The following AK8 variants were observed in gnomAD, a reference collection of about 807,000 sequenced individuals.
AK8 encodes ATP-AMP transphosphorylase 8.
A neutral mutation model predicts 54.6 loss-of-function variants in AK8; 44 were observed. The observed-to-expected ratio is 0.81, with a 90% CI of 0.63 to 1.04. The LOEUF (loss-of-function observed/expected upper bound fraction) is 1.04, where lower values mean the gene tolerates loss of function less well. Ranked by LOEUF, AK8 falls within the 50% of genes least tolerant of loss-of-function variation. The pLI, the probability that AK8 is intolerant of heterozygous loss-of-function variation, is 0.00. For missense variants in AK8, 555 were observed against 613.6 expected (o/e 0.90, Z 1.01); for synonymous variants, 239 against 245.6 (o/e 0.97, Z 0.25).
At chr9:132,849,098 C>A (rs942931335) in intron 5 of AK8, among the ~76,000 whole-genome samples, 2 of 151,786 alleles carry the variant, frequency 1.3e-5, no homozygotes, top group Non-Finnish European at 2.9e-5. Flanking sequence ...TTAGTAGAGA[C>A]GAGGTTTCAC....
At chr9:132,778,709 T>C (rs773084382) in intron 11 of AK8, among the ~76,000 whole-genome samples, 2 of 152,202 alleles carry the variant, frequency 1.3e-5, no homozygotes, top group Non-Finnish European at 2.9e-5. Flanking sequence ...ATAAACTATA[T>C]GCCAATCTGG....
chr9:132,839,629 T>C (rs988902069), intron 5 of AK8, among the ~76,000 whole-genome samples: 1 of 152,084 alleles, frequency 6.6e-6, no homozygotes, highest in African/African-American at 2.4e-5. Context: ...CTTTTGTTAG[T>C]CACAGTGTCG....
At chr9:132,828,173 T>G (rs1841956115) in intron 6 of AK8, 89 bp from the exon 7 acceptor site, 1 of 1,225,294 alleles carries the variant, frequency 8.2e-7, no homozygotes, top group Non-Finnish European at 1.1e-6. Flanking sequence ...TTGCTTTACG[T>G]TTTTTGCTTT....
At chr9:132,814,453 G>A (rs976599682) in intron 10 of AK8, among the ~76,000 whole-genome samples, 185 bp downstream of exon 10, 4 of 152,034 alleles carry the variant, frequency 2.6e-5, no homozygotes, top group African/African-American at 4.8e-5. Context: ...ACTGGGGATC[G>A]GGCTCAGACA....
intron 5 of AK8, among the ~76,000 whole-genome samples, chr9:132,848,125 AAAAAAAAAAAAAAAAAAAG>A (rs1460886226): frequency 9.1e-6 from 1 of 109,578 alleles, no homozygotes; most frequent in South Asian, 2.9e-4. Context: ...CAAAAAAAAA[AAAAAAAAAAAAAAAAAAAG>A]ATTGAAGAGA....
chr9:132,743,419 A>G (rs1837488187), intron 11 of AK8, among the ~76,000 whole-genome samples: 1 of 152,238 alleles, frequency 6.6e-6, no homozygotes, highest in Non-Finnish European at 1.5e-5. Context: ...GTCAGTCTCC[A>G]TCAGTGACAA....
rs1037530109 is a variant in AK8 at position 132,874,986 on chromosome 9, G to C, written c.169+129C>G. On this transcript the variant is annotated intron_variant, in intron 2 of 12. Coordinates refer to ENST00000298545, the MANE Select transcript of AK8 (RefSeq NM_152572.3). ...CACAGGTAGGACAGAATGGTGCTCA[G>C]CTATTCTCGGGATGGGGCAGGGTTC... is the stretch of plus-strand genomic sequence containing the variant. 10 of 1,189,502 alleles carry C rather than the reference G, an allele frequency of 8.4e-6. No individual in the cohort carries two copies. The African/African-American group carries it at 1.5e-4, about 18-fold the overall frequency. 73.7% of individuals were successfully genotyped at this position (1,189,502 alleles called of 1,614,324 possible).
intron 10 of AK8, among the ~76,000 whole-genome samples, chr9:132,805,104 C>T (rs1461317511): frequency 3.3e-5 from 5 of 152,214 alleles, no homozygotes; most frequent in Admixed American, 2.6e-4. Flanking sequence ...GGCCCGGGGC[C>T]TCCAGGGTCA....
chr9:132,834,869 C>CTT (rs11323499), intron 5 of AK8, among the ~76,000 whole-genome samples: 1 of 140,776 alleles, frequency 7.1e-6, no homozygotes. Flanking sequence ...CAAGAGGTGC[C>CTT]TTTTTTTTTT....
chr9:132,750,784 T>G (rs1450029857), intron 11 of AK8, among the ~76,000 whole-genome samples: 1 of 151,870 alleles, frequency 6.6e-6, no homozygotes, highest in Non-Finnish European at 1.5e-5. Flanking sequence ...CATCCAGAGA[T>G]ACCAATGGAA....
intron 5 of AK8, among the ~76,000 whole-genome samples, chr9:132,851,412 C>G (rs1842966774): frequency 6.6e-6 from 1 of 152,230 alleles, no homozygotes; most frequent in Non-Finnish European, 1.5e-5. Flanking sequence ...AGTGGCAGAG[C>G]AGGATAAATA....
chr9:132,729,773 GACA>G (rs1427507549), intron 11 of AK8, among the ~76,000 whole-genome samples: 4 of 151,982 alleles, frequency 2.6e-5, no homozygotes, highest in Non-Finnish European at 5.9e-5. Flanking sequence ...CAACATCAAC[GACA>G]ACAACAAGAA....
At chr9:132,769,538 A>G (rs1224463782) in intron 11 of AK8, 2 of 152,248 alleles carry the variant, frequency 1.3e-5, no homozygotes, top group African/African-American at 2.4e-5. Flanking sequence ...GGAGTGAAAG[A>G]GCAAATGTCC....
rs535832288 is a variant in AK8, at chr9:132,811,684, C to T, written c.979+2954G>A. 1.1e-4 allele frequency among the ~76,000 whole-genome samples: 17 copies of T among 152,312 alleles called. No homozygotes were observed. The East Asian group carries it at 1.3e-3, about 12-fold the overall frequency. ...CAAAGACAGGCAGGGAATGAGCATTCGCACACTGATGGTGGGAGCGTATGG... is the reference window on the plus strand; with the variant it reads ...CAAAGACAGGCAGGGAATGAGCATTTGCACACTGATGGTGGGAGCGTATGG... On this transcript the variant is annotated intron_variant, in intron 10 of 12. Transcript: ENST00000298545.
At position 132,800,921 on chromosome 9, in the gene AK8, T is replaced by C. The variant is rs940756480; in HGVS notation, c.980-8146A>G. ...AACAGTGAATATTTCAGTTTGTCCT[T>C]TTTTTTTTTTTTTTTTTTGAGACGG... On this transcript the variant is annotated intron_variant, in intron 10 of 12. Coordinates refer to ENST00000298545, the MANE Select transcript of AK8 (RefSeq NM_152572.3). Among the ~76,000 whole-genome samples the C allele has an allele frequency of 2.9e-3, 420 of 145,620 alleles. 6 individuals carry two copies. The highest frequency in any genetic ancestry group is 0.016 in the East Asian group (81 of 5,030).
At chr9:132,858,307 G>A (rs1843257522) in intron 4 of AK8, among the ~76,000 whole-genome samples, 1 of 152,248 alleles carries the variant, frequency 6.6e-6, no homozygotes, top group African/African-American at 2.4e-5. Flanking sequence ...CTGTTTTGCT[G>A]TTCTGAGGCA....
intron 5 of AK8, among the ~76,000 whole-genome samples, chr9:132,832,306 T>G (rs1177728971): frequency 2.0e-5 from 3 of 152,136 alleles, no homozygotes; most frequent in African/African-American, 4.8e-5. Flanking sequence ...AAAACAATTT[T>G]TAACAGTCTT....
chr9:132,815,101 C>G (rs775681600), intron 9 of AK8, among the ~76,000 whole-genome samples: 1 of 152,164 alleles, frequency 6.6e-6, no homozygotes, highest in Non-Finnish European at 1.5e-5. Flanking sequence ...GCGTTCTGGC[C>G]GGGGGCTGCT....
chr9:132,761,551 T>G (rs1160691360), intron 11 of AK8, among the ~76,000 whole-genome samples: 1 of 152,188 alleles, frequency 6.6e-6, no homozygotes, highest in Non-Finnish European at 1.5e-5. Flanking sequence ...CATGAGCCGC[T>G]GCACCTGGCC....
Sources: gnomAD v4.1 joint callset for allele counts (sites outside exome capture counted in the v4.1 genomes callset) on GRCh38, gnomAD v4.1.1 for gene constraint, MANE v1.5 for transcripts, NCBI Gene and HGNC (gene_info 2026-07-23, HGNC 2026-07-21) for gene names.